Variants in GNG12 observed in about 807,000 individuals in gnomAD.
GNG12 encodes the protein guanine nucleotide-binding protein G(I)/G(S)/G(O) subunit gamma-12.
For synonymous variants in GNG12, 28 were observed against 29.7 expected (o/e 0.94, Z 0.19); for missense variants, 69 against 83.8 (o/e 0.82, Z 0.69).
intron 2 of GNG12, among the ~76,000 whole-genome samples, chr1:67,750,382 T>C (rs1407836220): frequency 6.6e-6 from 1 of 152,230 alleles, no homozygotes; most frequent in Non-Finnish European, 1.5e-5. Flanking sequence ...GCAGGCCTCT[T>C]GCTTTGTGGG....
intron 1 of GNG12, among the ~76,000 whole-genome samples, chr1:67,802,100 A>ATGAGAAAAAG (rs1646869395): frequency 6.6e-6 from 1 of 152,114 alleles, no homozygotes; most frequent in Non-Finnish European, 1.5e-5. Flanking sequence ...TGACCAGAGA[A>ATGAGAAAAAG]TGAGAAAAAG....
rs3835466 is a variant in GNG12, at chr1:67,751,184, GACACAC to G, written c.-27+26268_-27+26273del. Among the ~76,000 whole-genome samples, 451 of 140,782 alleles carry G rather than the reference GACACAC, an allele frequency of 3.2e-3. 4 individuals are homozygous for G. Among genetic ancestry groups the G allele is most frequent in the African/African-American group, 0.011 (431 of 39,414 alleles). The allele number at this position is 140,782 out of a possible 152,430, so 92.4% of individuals were successfully genotyped here. A position where few individuals can be genotyped will look rare whatever the true frequency, so the allele number is the denominator to read the frequency against. On this transcript the variant is annotated intron_variant, in intron 2 of 3. Transcript: ENST00000370982. ...GCCCATTTACATGGATACACATACA[GACACAC>G]ACACACACACACACACACACACGTG...
chr1:67,758,450 C>T (rs955625830), intron 2 of GNG12, among the ~76,000 whole-genome samples: 5 of 152,190 alleles, frequency 3.3e-5, no homozygotes, highest in Admixed American at 6.5e-5. Flanking sequence ...GCGGCCAGCT[C>T]GCTAACCTGG....
intron 2 of GNG12, among the ~76,000 whole-genome samples, chr1:67,754,098 T>G (rs1365550883): frequency 6.6e-6 from 1 of 152,072 alleles, no homozygotes; most frequent in Non-Finnish European, 1.5e-5. Context: ...AGTTGTGAGC[T>G]CCCCACCTCT....
At chr1:67,802,568 T>C (rs541207575) in intron 1 of GNG12, among the ~76,000 whole-genome samples, 12 of 152,286 alleles carry the variant, frequency 7.9e-5, no homozygotes, top group African/African-American at 2.9e-4. Flanking sequence ...AGGTCATATA[T>C]TAAGATTATG....
In GNG12 at chr1:67,816,403, CA is replaced by C. The variant is rs1388203343; in HGVS notation, c.-77+16940del. On this transcript the variant is annotated intron_variant, in intron 1 of 3. Transcript: ENST00000370982. ...AGTAAAGAAATTTAAGAAACAGATTCACTGCTCTTTGGATATGCGTGCAAGG... is the reference window on the plus strand; with the variant it reads ...AGTAAAGAAATTTAAGAAACAGATTCCTGCTCTTTGGATATGCGTGCAAGG... 2.0e-5 allele frequency among the ~76,000 whole-genome samples: 3 copies of C among 152,184 alleles called. No individual in the cohort carries two copies. In the East Asian group the frequency reaches 5.8e-4, roughly 29 times the overall value.
At chr1:67,715,645 C>A (rs1396438924) in intron 2 of GNG12, among the ~76,000 whole-genome samples, 3 of 152,164 alleles carry the variant, frequency 2.0e-5, no homozygotes, top group African/African-American at 7.2e-5. Flanking sequence ...CACCCGTGGG[C>A]AGTTCTGCAG....
chr1:67,711,450 G>T (rs1037181308), intron 2 of GNG12, among the ~76,000 whole-genome samples: 3 of 151,926 alleles, frequency 2.0e-5, no homozygotes, highest in Non-Finnish European at 2.9e-5. Context: ...GGGTTTCTCG[G>T]GGGGGTGGTG....
intron 2 of GNG12, among the ~76,000 whole-genome samples, chr1:67,726,906 T>C (rs914007188): frequency 2.0e-5 from 3 of 152,176 alleles, no homozygotes; most frequent in Non-Finnish European, 2.9e-5. Flanking sequence ...ACCCACTACC[T>C]TTGGTTTCAA....
intron 1 of GNG12, among the ~76,000 whole-genome samples, chr1:67,832,653 T>A (rs1647054411): frequency 6.6e-6 from 1 of 150,610 alleles, no homozygotes; most frequent in African/African-American, 2.4e-5. Context: ...ACCTCCCCCT[T>A]ACCACTTGCA....
At chr1:67,761,628 C>T (rs533981786) in intron 2 of GNG12, among the ~76,000 whole-genome samples, 2 of 152,088 alleles carry the variant, frequency 1.3e-5, no homozygotes, top group Non-Finnish European at 2.9e-5. Context: ...AAGTGCAGGT[C>T]GACTTGGCTC....
At chr1:67,805,994 A>T (rs761479367) in intron 1 of GNG12, among the ~76,000 whole-genome samples, 4 of 152,050 alleles carry the variant, frequency 2.6e-5, no homozygotes, top group Non-Finnish European at 1.5e-5. Flanking sequence ...TGAATCATAT[A>T]AAGTATTGAG....
chr1:67,712,449 G>A (rs2100676756), intron 2 of GNG12, among the ~76,000 whole-genome samples: 1 of 152,296 alleles, frequency 6.6e-6, no homozygotes, highest in South Asian at 2.1e-4. Flanking sequence ...CCAACACTTT[G>A]GGAGGCCAAG....
Position 67,704,788 on chromosome 1 carries a change from T to G in GNG12, c.*663A>C, listed in dbSNP as rs1375772214. 1 of 152,656 alleles carries G rather than the reference T, an allele frequency of 6.6e-6. No individual in the cohort carries two copies. The highest frequency in any genetic ancestry group is 1.5e-5 in the Non-Finnish European group (1 of 68,054). 9.5% of individuals were successfully genotyped at this position (152,656 alleles called of 1,614,324 possible). A position where few individuals can be genotyped will look rare whatever the true frequency, so the allele number is the denominator to read the frequency against. On this transcript the variant is annotated 3_prime_UTR_variant, in exon 4 of 4. Transcript: ENST00000370982. ...AAGATTTCAAGAGAGGAGAGATGAT[T>G]GCATTACTTGATTACAATGAATACA...
At chr1:67,795,387 A>T (rs1346994053) in intron 1 of GNG12, among the ~76,000 whole-genome samples, 1 of 152,178 alleles carries the variant, frequency 6.6e-6, no homozygotes, top group African/African-American at 2.4e-5. Context: ...TTGCCTCTGC[A>T]GGCTGCTGTC....
intron 2 of GNG12, among the ~76,000 whole-genome samples, chr1:67,763,371 G>A (rs181743196): frequency 6.8e-4 from 103 of 152,268 alleles, no homozygotes; most frequent in African/African-American, 2.4e-3. Flanking sequence ...ACTCTGGCAT[G>A]CTTCCTGAGT....
chr1:67,726,075 T>C (rs1342935364), intron 2 of GNG12, among the ~76,000 whole-genome samples: 1 of 152,200 alleles, frequency 6.6e-6, no homozygotes, highest in Non-Finnish European at 1.5e-5. Context: ...CTGTCTGTAA[T>C]CCCCCTAAAA....
At chr1:67,801,616 T>C (rs965159572) in intron 1 of GNG12, among the ~76,000 whole-genome samples, 1 of 151,982 alleles carries the variant, frequency 6.6e-6, no homozygotes, top group Non-Finnish European at 1.5e-5. Context: ...TGGCTTGGAG[T>C]GGAGAACAAA....
intron 2 of GNG12, among the ~76,000 whole-genome samples, chr1:67,769,374 T>C (rs1570531734): frequency 1.3e-5 from 2 of 152,230 alleles, no homozygotes; most frequent in African/African-American, 4.8e-5. Flanking sequence ...CAGAGAAATA[T>C]GCTGACTCCA....
Sources: gnomAD v4.1 joint callset for allele counts (sites outside exome capture counted in the v4.1 genomes callset) on GRCh38, gnomAD v4.1.1 for gene constraint, MANE v1.5 for transcripts, NCBI Gene and HGNC (gene_info 2026-07-23, HGNC 2026-07-21) for gene names.